Variants in SLC16A12 observed in about 807,000 individuals in gnomAD.
SLC16A12 encodes the protein solute carrier family 16 member 12, also known as monocarboxylate transporter 12.
Under a neutral mutation model 42.4 loss-of-function variants are expected in SLC16A12, and 17 were observed. The observed-to-expected ratio is 0.40, with a 90% CI of 0.27 to 0.60. SLC16A12 has a LOEUF of 0.60. SLC16A12 is among the 20% of genes least tolerant of loss of function. The probability of loss-of-function intolerance (pLI) is 0.42; values close to 1 mark genes in which losing one functional copy is unlikely to be tolerated. For missense variants in SLC16A12, 544 were observed against 623.0 expected (o/e 0.87, Z 1.35); for synonymous variants, 224 against 229.4 (o/e 0.98, Z 0.21).
At chr10:89,535,393 C>T (rs1341783663) in intron 1 of SLC16A12, 49 bp downstream of exon 1, 1 of 153,260 alleles carries the variant, frequency 6.5e-6, no homozygotes, top group Non-Finnish European at 1.5e-5. Context: ...AACGACAGCG[C>T]CAGCGCCCCG....
intron 2 of SLC16A12, among the ~76,000 whole-genome samples, chr10:89,519,593 C>T (rs903833849): frequency 1.3e-5 from 2 of 151,880 alleles, no homozygotes; most frequent in Non-Finnish European, 1.5e-5. Flanking sequence ...CACACCAGGG[C>T]GAGGATGAAT....
At chr10:89,433,758 A>G (rs1841732635) in intron 7 of SLC16A12, among the ~76,000 whole-genome samples, 1 of 152,234 alleles carries the variant, frequency 6.6e-6, no homozygotes, top group African/African-American at 2.4e-5. Context: ...ACATGCTTCA[A>G]AGCAGTATCA....
At chr10:89,525,821 A>T (rs529796314) in intron 2 of SLC16A12, among the ~76,000 whole-genome samples, 2 of 152,352 alleles carry the variant, frequency 1.3e-5, no homozygotes, top group East Asian at 3.9e-4. Context: ...CCATGGGATC[A>T]CACCCAAAAC....
At chr10:89,508,062 C>T (rs1843096188) in intron 2 of SLC16A12, among the ~76,000 whole-genome samples, 1 of 152,084 alleles carries the variant, frequency 6.6e-6, no homozygotes, top group Non-Finnish European at 1.5e-5. Context: ...AACAGGAGCA[C>T]CCAGATTCAT....
At chr10:89,517,702 G>A (rs1311354748) in intron 2 of SLC16A12, among the ~76,000 whole-genome samples, 1 of 152,074 alleles carries the variant, frequency 6.6e-6, no homozygotes, top group Non-Finnish European at 1.5e-5. Flanking sequence ...AGGGGCGGTT[G>A]GGCAGTAACA....
At chr10:89,486,029 A>G (rs1238509380) in intron 2 of SLC16A12, among the ~76,000 whole-genome samples, 1 of 152,240 alleles carries the variant, frequency 6.6e-6, no homozygotes, top group Non-Finnish European at 1.5e-5. Context: ...GATTAGGTAC[A>G]TTCAACAAGC....
Position 89,432,602 on chromosome 10 carries a change from C to T in SLC16A12, c.*462G>A, listed in dbSNP as rs1351245628. On this transcript the variant is annotated 3_prime_UTR_variant, in exon 8 of 8. Coordinates refer to ENST00000371790, the MANE Select transcript of SLC16A12 (RefSeq NM_213606.4). Reference sequence around the variant, plus strand: ...GAAAAAGTATGGCATCTTCACTCTTCACCACCACACCCAAGCTGACCTCCC... The same window carrying T: ...GAAAAAGTATGGCATCTTCACTCTTTACCACCACACCCAAGCTGACCTCCC... 2 of 155,336 alleles carry T rather than the reference C, an allele frequency of 1.3e-5. No individual in the cohort carries two copies. The highest frequency in any genetic ancestry group is 1.9e-4 in the East Asian group (1 of 5,284). 9.6% of individuals were successfully genotyped at this position (155,336 alleles called of 1,614,324 possible).
At position 89,433,307 on chromosome 10, in the gene SLC16A12, G is replaced by T; in HGVS notation, c.1308C>A (p.Thr436=). The T allele has an allele frequency of 6.2e-7, 1 of 1,613,966 alleles. No homozygotes were observed. ...PPIAGRLVDT[T]GSYTAAFLLC... ...GGAGGAATGCTGCAGTGTAGCTGCC[G>T]GTGGTATCTACCAGCCGTCCTGTAA... The change falls in exon 8 of 8, where the codon ACC becomes ACA. Residue 436 remains threonine, a synonymous_variant. Coordinates refer to ENST00000371790, the MANE Select transcript of SLC16A12 (RefSeq NM_213606.4).
rs570868222 is a variant in SLC16A12, at chr10:89,527,590, G to A, written c.-47+6911C>T. Among the ~76,000 whole-genome samples, 5 of 151,332 alleles carry A rather than the reference G, an allele frequency of 3.3e-5. No homozygotes were observed. In the East Asian group the frequency reaches 9.7e-4, roughly 29 times the overall value. ...GAGAGAGGATTGCTTGAGCTCAGGA[G>A]TTTAAGTCCAGCCTGGAAAAACATA... On this transcript the variant is annotated intron_variant, in intron 2 of 7. Transcript: ENST00000371790.
rs796398100 is a variant in SLC16A12, at chr10:89,436,914, A to AAGAAAG, written c.1029-596_1029-595insCTTTCT. 4.4e-3 allele frequency among the ~76,000 whole-genome samples: 599 copies of AAGAAAG among 136,558 alleles called. 5 individuals carry two copies. The highest frequency in any genetic ancestry group is 0.016 in the African/African-American group (564 of 35,502). 89.6% of individuals were successfully genotyped at this position (136,558 alleles called of 152,430 possible). On this transcript the variant is annotated intron_variant, in intron 6 of 7. Coordinates refer to ENST00000371790, the MANE Select transcript of SLC16A12 (RefSeq NM_213606.4). ...AAAGAAAGAAAGAAAGAAAGAAAGA[A>AAGAAAG]AAAGAAAGAGTGCATAAATCTCAAA...
intron 2 of SLC16A12, among the ~76,000 whole-genome samples, chr10:89,476,124 T>C (rs1842574654): frequency 6.6e-6 from 1 of 152,214 alleles, no homozygotes; most frequent in African/African-American, 2.4e-5. Flanking sequence ...CAGTGCCTTG[T>C]ATAACTCTTT....
chr10:89,525,199 C>T (rs1019127432), intron 2 of SLC16A12, among the ~76,000 whole-genome samples: 19 of 123,182 alleles, frequency 1.5e-4, no homozygotes, highest in Admixed American at 9.9e-4. Context: ...CCAGCCTGGA[C>T]GACAGAACGA....
intron 2 of SLC16A12, among the ~76,000 whole-genome samples, chr10:89,483,738 TAAA>T (rs1253654983): frequency 1.6e-5 from 1 of 62,318 alleles, no homozygotes; most frequent in Admixed American, 1.9e-4. Flanking sequence ...ACGCTGCCTC[TAAA>T]AAAAAAAAAA....
intron 2 of SLC16A12, among the ~76,000 whole-genome samples, chr10:89,508,252 A>C (rs935028390): frequency 6.6e-6 from 1 of 152,138 alleles, no homozygotes; most frequent in Admixed American, 6.5e-5. Context: ...AGAACTCTCC[A>C]CTCCAAATCA....
At chr10:89,465,325 T>G (rs1842375160) in intron 2 of SLC16A12, among the ~76,000 whole-genome samples, 1 of 152,224 alleles carries the variant, frequency 6.6e-6, no homozygotes. Flanking sequence ...TTTTGTCTAA[T>G]TATACACATA....
chr10:89,454,299 T>C (rs964634969), intron 3 of SLC16A12, among the ~76,000 whole-genome samples: 19 of 151,836 alleles, frequency 1.3e-4, no homozygotes, highest in African/African-American at 4.1e-4. Flanking sequence ...TAAGTCACTA[T>C]CTCATATATA....
At chr10:89,488,607 T>C (rs975133573) in intron 2 of SLC16A12, among the ~76,000 whole-genome samples, 2 of 152,334 alleles carry the variant, frequency 1.3e-5, no homozygotes, top group East Asian at 3.9e-4. Flanking sequence ...CCAATGCCTA[T>C]GCCTAGGATA....
chr10:89,454,873 G>A (rs944103341), intron 3 of SLC16A12, among the ~76,000 whole-genome samples: 1 of 151,942 alleles, frequency 6.6e-6, no homozygotes, highest in Non-Finnish European at 1.5e-5. Flanking sequence ...GACCATGTCT[G>A]TCTTATCTCA....
intron 2 of SLC16A12, among the ~76,000 whole-genome samples, chr10:89,486,619 G>A (rs865869115): frequency 8.4e-5 from 3 of 35,692 alleles, no homozygotes; most frequent in African/African-American, 1.5e-4. Flanking sequence ...AAGAAAGAAA[G>A]AAAGAAAGAA....
Sources: allele counts gnomAD v4.1 joint callset (sites outside exome capture counted in the v4.1 genomes callset), GRCh38; gene constraint gnomAD v4.1.1; transcripts MANE v1.5; gene names NCBI Gene and HGNC (gene_info 2026-07-23, HGNC 2026-07-21).